Variants in ZNF236 observed in about 807,000 individuals in gnomAD.
ZNF236 encodes regulated by glucose.
ZNF236 carries 50 observed loss-of-function variants against 191.2 expected under a neutral mutation model. The observed-to-expected ratio is 0.26, with a 90% CI of 0.21 to 0.33. ZNF236 has a LOEUF of 0.33. Ranked by LOEUF, ZNF236 falls within the 10% of genes least tolerant of loss-of-function variation. ZNF236 has a pLI of 1.00. For synonymous variants in ZNF236, 907 were observed against 928.8 expected, an observed-to-expected ratio of 0.98 and a Z score of 0.43; for missense variants, 1,754 against 2,374.5, an observed-to-expected ratio of 0.74 and a Z score of 5.43.
At chr18:76,881,223 T>C (rs1976882758) in intron 8 of ZNF236, 61 bp from the exon 9 acceptor site, 1 of 1,439,928 alleles carries the variant, frequency 6.9e-7, no homozygotes, top group African/African-American at 1.4e-5. Context: ...TTTTGACTGA[T>C]TTTGGTAGGC....
Position 76,905,294 on chromosome 18 carries a change from A to G in ZNF236, c.2176A>G (p.Thr726Ala), listed in dbSNP as rs1376817171. 1.2e-6 allele frequency: 2 copies of G among 1,614,230 alleles called. No individual in the cohort carries two copies. Among genetic ancestry groups the G allele is most frequent in the East Asian group, 2.2e-5 (1 of 44,890 alleles). ...KCLICNGAFT[T>A]GGSLRRHMGI... ...TCTGATATGTAATGGGGCTTTCACT[A>G]CTGGTGGCAGCTTACGGCGACACAT... Residue 726 changes from threonine to alanine, a missense_variant, in exon 13 of 31, where the codon ACT becomes GCT. Transcript: ENST00000320610.
chr18:76,870,608 AAAG>A (rs1489664535), intron 4 of ZNF236, among the ~76,000 whole-genome samples: 6 of 152,172 alleles, frequency 3.9e-5, no homozygotes, highest in Non-Finnish European at 8.8e-5. Flanking sequence ...GAGTGTCAAG[AAAG>A]AAGGACAGTG....
intron 20 of ZNF236, 96 bp from the exon 21 acceptor site, chr18:76,922,975 A>T: frequency 1.1e-6 from 1 of 899,858 alleles, no homozygotes; most frequent in Non-Finnish European, 1.7e-6. Flanking sequence ...AAACTTAAGC[A>T]GAACGTAGTA....
At chr18:76,949,467 G>C (rs1968351228) in intron 27 of ZNF236, among the ~76,000 whole-genome samples, 1 of 152,060 alleles carries the variant, frequency 6.6e-6, no homozygotes, top group African/African-American at 2.4e-5. Flanking sequence ...ATATAAAAAT[G>C]AGGTAGATAA....
chr18:76,897,920 C>T (rs1228391543), intron 10 of ZNF236, among the ~76,000 whole-genome samples: 1 of 152,156 alleles, frequency 6.6e-6, no homozygotes, highest in Non-Finnish European at 1.5e-5. Flanking sequence ...GAAGTATCTA[C>T]AGGTAAAGAA....
chr18:76,886,918 C>T, intron 9 of ZNF236: 1 of 202,874 alleles, frequency 4.9e-6, no homozygotes, highest in Non-Finnish European at 1.1e-5. Context: ...GCTTCTAGTG[C>T]CTCTTGAGCA....
At chr18:76,920,329 T>A (rs923681555) in intron 20 of ZNF236, among the ~76,000 whole-genome samples, 8 of 152,152 alleles carry the variant, frequency 5.3e-5, no homozygotes, top group Non-Finnish European at 8.8e-5. Context: ...GGCGGGAGGA[T>A]CACCTGAGGT....
intron 2 of ZNF236, among the ~76,000 whole-genome samples, chr18:76,851,112 A>T (rs1295393630): frequency 6.7e-6 from 1 of 149,628 alleles, no homozygotes. Flanking sequence ...TTTGGAAGAA[A>T]ACATTGAGAA....
At chr18:76,830,140 A>AT (rs1975126547) in intron 1 of ZNF236, among the ~76,000 whole-genome samples, 1 of 152,202 alleles carries the variant, frequency 6.6e-6, no homozygotes, top group South Asian at 2.1e-4. Flanking sequence ...AAGTGCTGGG[A>AT]TTACAGGTGT....
chr18:76,867,241 T>A (rs1976445082), intron 3 of ZNF236, among the ~76,000 whole-genome samples: 1 of 150,930 alleles, frequency 6.6e-6, no homozygotes, highest in African/African-American at 2.4e-5. Flanking sequence ...TTTTTTTTTT[T>A]AAGAGCTGCA....
intron 8 of ZNF236, among the ~76,000 whole-genome samples, chr18:76,881,063 A>G (rs1442947967): frequency 2.0e-5 from 3 of 152,224 alleles, no homozygotes; most frequent in Non-Finnish European, 2.9e-5. Flanking sequence ...AGAAATGTAA[A>G]TGCTTATATT....
chr18:76,962,104 T>C (rs1968680441), intron 30 of ZNF236, among the ~76,000 whole-genome samples: 1 of 152,230 alleles, frequency 6.6e-6, no homozygotes, highest in African/African-American at 2.4e-5. Flanking sequence ...TTGTTTTTAT[T>C]GCATTCACTT....
In ZNF236 at chr18:76,918,271, G is replaced by A. The variant is rs115566272; in HGVS notation, c.3275-1505G>A. ...TCTCTCTCAGTATCAGCTGAGGATT[G>A]GTTCCTGGACTCCTGAGGACACCAA... On this transcript the variant is annotated intron_variant, in intron 19 of 30. Transcript: ENST00000320610. Among the ~76,000 whole-genome samples the A allele has an allele frequency of 9.6e-3, 1,462 of 152,158 alleles. 23 individuals carry two copies. The highest frequency in any genetic ancestry group is 0.033 in the African/African-American group (1,378 of 41,492).
rs1247359537 is a variant in ZNF236 at position 76,972,457 on chromosome 18, ACACT to A, written c.*4122_*4125del. ...CACACTCACCCACACACTCACCCTC[ACACT>A]CACCCACACACCCTCACACTCACCC... On this transcript the variant is annotated 3_prime_UTR_variant, in exon 31 of 31. Transcript: ENST00000320610. Among the ~76,000 whole-genome samples the A allele has an allele frequency of 1.3e-5, 2 of 151,718 alleles. No individual in the cohort carries two copies. The highest frequency in any genetic ancestry group is 2.1e-4 in the South Asian group (1 of 4,794).
At chr18:76,823,520 T>C (rs776650507) in intron 1 of ZNF236, among the ~76,000 whole-genome samples, 7 of 151,518 alleles carry the variant, frequency 4.6e-5, no homozygotes, top group African/African-American at 9.7e-5. Flanking sequence ...ATCAGTGTTA[T>C]GTGGGGAGCG....
At chr18:76,853,386 A>C (rs568999066) in intron 3 of ZNF236, among the ~76,000 whole-genome samples, 1 of 152,230 alleles carries the variant, frequency 6.6e-6, no homozygotes, top group South Asian at 2.1e-4. Context: ...GCCTGACTTC[A>C]TATTTTCTAC....
At chr18:76,909,806 A>G (rs910070923) in intron 14 of ZNF236, among the ~76,000 whole-genome samples, 1 of 152,222 alleles carries the variant, frequency 6.6e-6, no homozygotes, top group Non-Finnish European at 1.5e-5. Context: ...ACAATTATGG[A>G]ATGTAATAGC....
At chr18:76,832,701 A>G (rs1190657358) in intron 1 of ZNF236, among the ~76,000 whole-genome samples, 1 of 151,886 alleles carries the variant, frequency 6.6e-6, no homozygotes, top group Non-Finnish European at 1.5e-5. Flanking sequence ...GATCATCTTG[A>G]CAATTGTTGG....
At chr18:76,843,589 A>C (rs369484377) in intron 1 of ZNF236, among the ~76,000 whole-genome samples, 49 of 149,212 alleles carry the variant, frequency 3.3e-4, no homozygotes, top group African/African-American at 1.2e-3. Flanking sequence ...CATCCTGACT[A>C]ACACAGTGAA....
Sources: gnomAD v4.1 joint callset for allele counts (sites outside exome capture counted in the v4.1 genomes callset) on GRCh38, gnomAD v4.1.1 for gene constraint, MANE v1.5 for transcripts, NCBI Gene and HGNC (gene_info 2026-07-23, HGNC 2026-07-21) for gene names.